FAM135B: variants seen among roughly 807,000 people sequenced by gnomAD.
FAM135B encodes the protein protein FAM135B.
In FAM135B, 43 loss-of-function variants were observed where a neutral mutation model predicts 127.7. The observed-to-expected ratio is 0.34, with a 90% CI of 0.26 to 0.43. The LOEUF (loss-of-function observed/expected upper bound fraction) is 0.43, where lower values mean the gene tolerates loss of function less well. Among genes scored for constraint, FAM135B ranks in the 20% least tolerant of loss-of-function variants. The probability of loss-of-function intolerance (pLI) is 1.00; values close to 1 mark genes in which losing one functional copy is unlikely to be tolerated. For synonymous variants in FAM135B, 670 were observed against 665.1 expected (o/e 1.01, Z -0.11); for missense variants, 1,558 against 1,725.6 (o/e 0.90, Z 1.72).
chr8:138,241,140 G>T lies in FAM135B; in HGVS notation c.669+1802C>A, dbSNP rs1008621742. 6.6e-6 allele frequency among the ~76,000 whole-genome samples: 1 copy of T among 152,156 alleles called. No homozygotes were observed. The highest frequency in any genetic ancestry group is 1.5e-5 in the Non-Finnish European group (1 of 68,020). ...CAGCAAAGGCTTCGGCCGACCACGGGGAGCTTTGCCTCAGTGATGGTCCTG... is the reference window on the plus strand; with the variant it reads ...CAGCAAAGGCTTCGGCCGACCACGGTGAGCTTTGCCTCAGTGATGGTCCTG... On this transcript the variant is annotated intron_variant, in intron 7 of 19. Coordinates refer to ENST00000395297, the MANE Select transcript of FAM135B (RefSeq NM_015912.4). The surrounding 1 kb of genome is among the most constrained non-coding windows in gnomAD (Gnocchi z 4.8).
intron 7 of FAM135B, among the ~76,000 whole-genome samples, chr8:138,221,247 A>G (rs2130039790): frequency 6.6e-6 from 1 of 152,296 alleles, no homozygotes; most frequent in Non-Finnish European, 1.5e-5. Context: ...TCATGGAAGA[A>G]GGAGAAGGAG....
At chr8:138,414,115 A>AATATATATATATATATATAT (rs1203347529) in intron 1 of FAM135B, among the ~76,000 whole-genome samples, 1 of 83,248 alleles carries the variant, frequency 1.2e-5, no homozygotes, top group African/African-American at 5.6e-5. Context: ...TTCACACACA[A>AATATATATATATATATATAT]ATACATATAT....
chr8:138,248,556 A>T (rs1821457896), intron 6 of FAM135B, among the ~76,000 whole-genome samples: 1 of 152,148 alleles, frequency 6.6e-6, no homozygotes, highest in Non-Finnish European at 1.5e-5. Context: ...GCAGTGGCTC[A>T]CACCTATAAT....
chr8:138,321,830 G>C, intron 2 of FAM135B, among the ~76,000 whole-genome samples: 1 of 152,282 alleles, frequency 6.6e-6, no homozygotes, highest in South Asian at 2.1e-4. Context: ...CATGATAATG[G>C]AATGACTCCC....
chr8:138,377,560 C>T (rs1046658218), intron 1 of FAM135B, among the ~76,000 whole-genome samples: 2 of 152,162 alleles, frequency 1.3e-5, no homozygotes, highest in Admixed American at 1.3e-4. Flanking sequence ...ATAACAAACC[C>T]AGTCTGGAGA....
intron 14 of FAM135B, among the ~76,000 whole-genome samples, chr8:138,147,731 G>A (rs1041197773): frequency 6.6e-6 from 1 of 152,126 alleles, no homozygotes. Context: ...CAAAAGGGGT[G>A]AAGCAGCTCT....
intron 3 of FAM135B, among the ~76,000 whole-genome samples, chr8:138,287,449 T>C (rs963160650): frequency 2.7e-5 from 4 of 149,398 alleles, no homozygotes; most frequent in Non-Finnish European, 5.9e-5. Context: ...GAAGTCTTTT[T>C]TTTTTTTTTT....
At chr8:138,387,518 A>G (rs944970794) in intron 1 of FAM135B, among the ~76,000 whole-genome samples, 1 of 152,130 alleles carries the variant, frequency 6.6e-6, no homozygotes, top group Non-Finnish European at 1.5e-5. Flanking sequence ...ATGACCTAAC[A>G]TCAATGAATC....
chr8:138,215,323 G>T (rs906466731), intron 7 of FAM135B, among the ~76,000 whole-genome samples: 7 of 152,130 alleles, frequency 4.6e-5, no homozygotes, highest in African/African-American at 1.7e-4. Context: ...AACTTAATAT[G>T]GGAGATAGAA....
Position 138,398,690 on chromosome 8 carries a change from G to A in FAM135B, c.-19-30688C>T, listed in dbSNP as rs550008096. Among the ~76,000 whole-genome samples, 4 of 152,288 alleles carry A rather than the reference G, an allele frequency of 2.6e-5. No individual in the cohort carries two copies. The East Asian group carries it at 7.7e-4, about 29-fold the overall frequency. On this transcript the variant is annotated intron_variant, in intron 1 of 19. Coordinates refer to ENST00000395297, the MANE Select transcript of FAM135B (RefSeq NM_015912.4). Reference sequence around the variant, plus strand: ...AGGTTGAGATGCATTCCTCCAAAGAGGGGGGCATCGACTAATTTTAAGGCA... The same window carrying A: ...AGGTTGAGATGCATTCCTCCAAAGAAGGGGGCATCGACTAATTTTAAGGCA...
chr8:138,144,281 G>A (rs12680387), intron 15 of FAM135B: 51,674 of 151,836 alleles, frequency 0.34, 9,427 homozygotes, highest in East Asian at 0.52. Flanking sequence ...TTAGCCGGGC[G>A]TGATGGCACG....
intron 7 of FAM135B, among the ~76,000 whole-genome samples, chr8:138,207,671 G>A (rs1817807119): frequency 6.6e-6 from 1 of 152,158 alleles, no homozygotes; most frequent in African/African-American, 2.4e-5. Flanking sequence ...GGGTGAGAAG[G>A]CTAATTTTCC....
At chr8:138,468,671 T>C (rs1045106404) in intron 1 of FAM135B, among the ~76,000 whole-genome samples, 2 of 152,252 alleles carry the variant, frequency 1.3e-5, no homozygotes, top group African/African-American at 4.8e-5. Context: ...ACTGAAAATT[T>C]AAAAATTTTA....
chr8:138,222,639 G>T (rs1480825051), intron 7 of FAM135B, among the ~76,000 whole-genome samples: 6 of 147,998 alleles, frequency 4.1e-5, no homozygotes, highest in Non-Finnish European at 7.4e-5. Flanking sequence ...ATGTGGTGGG[G>T]TTTTTTGTTT....
At chr8:138,325,071 CTG>C (rs902758812) in intron 2 of FAM135B, among the ~76,000 whole-genome samples, 6 of 152,118 alleles carry the variant, frequency 3.9e-5, no homozygotes, top group Non-Finnish European at 7.4e-5. Flanking sequence ...ATTTTAGACA[CTG>C]TGTCTCCTCT....
intron 1 of FAM135B, among the ~76,000 whole-genome samples, chr8:138,377,075 T>C (rs992520386): frequency 1.3e-5 from 2 of 152,234 alleles, no homozygotes; most frequent in African/African-American, 2.4e-5. Flanking sequence ...CAATACCTCA[T>C]TAGATTTTGC....
chr8:138,189,561 C>A (rs969307078), intron 9 of FAM135B, among the ~76,000 whole-genome samples: 2 of 152,250 alleles, frequency 1.3e-5, no homozygotes, highest in Non-Finnish European at 2.9e-5. Flanking sequence ...AACACTCCTT[C>A]TGGGACTTTG....
intron 4 of FAM135B, among the ~76,000 whole-genome samples, chr8:138,262,209 T>C (rs1260415737): frequency 6.6e-6 from 1 of 152,130 alleles, no homozygotes; most frequent in African/African-American, 2.4e-5. Flanking sequence ...AGGTCAAACT[T>C]GAAGGCTTTA....
intron 2 of FAM135B, among the ~76,000 whole-genome samples, chr8:138,349,907 C>T (rs1328014148): frequency 6.6e-6 from 1 of 152,200 alleles, no homozygotes; most frequent in Non-Finnish European, 1.5e-5. Flanking sequence ...ATGGGATAAA[C>T]ATCTTCATGA....
Sources: gnomAD v4.1 joint callset for allele counts (sites outside exome capture counted in the v4.1 genomes callset) on GRCh38, gnomAD v4.1.1 for gene constraint, Gnocchi (gnomAD v3.1) non-coding constraint, MANE v1.5 for transcripts, NCBI Gene and HGNC (gene_info 2026-07-23, HGNC 2026-07-21) for gene names.